The following GPNMB variants were observed in gnomAD, a reference collection of about 807,000 sequenced individuals.
The protein encoded by GPNMB is glycoprotein nmb, also known as transmembrane glycoprotein NMB.
GPNMB carries 71 observed loss-of-function variants against 57.3 expected under a neutral mutation model. The ratio of observed to expected loss-of-function variants is 1.24; its 90% CI spans 1.02 to 1.51. The LOEUF (loss-of-function observed/expected upper bound fraction) is 1.51. GPNMB is among the 40% of genes most tolerant of loss of function. The probability of loss-of-function intolerance (pLI) is 0.00; values close to 1 mark genes in which losing one functional copy is unlikely to be tolerated. For missense variants in GPNMB, 677 were observed against 691.9 expected, an observed-to-expected ratio of 0.98 and a Z score of 0.24; for synonymous variants, 253 against 263.2, an observed-to-expected ratio of 0.96 and a Z score of 0.38.
intron 1 of GPNMB, among the ~76,000 whole-genome samples, chr7:23,247,563 A>G (rs1782560587): frequency 6.6e-6 from 1 of 152,208 alleles, no homozygotes; most frequent in Non-Finnish European, 1.5e-5. Flanking sequence ...GGATCTGCCT[A>G]TGCAGCCAGG....
At chr7:23,265,661 TTTA>T in intron 6 of GPNMB, among the ~76,000 whole-genome samples, 1 of 152,252 alleles carries the variant, frequency 6.6e-6, no homozygotes, top group Middle Eastern at 3.4e-3. Flanking sequence ...GAAACTGTGA[TTTA>T]TTAAGTACTC....
chr7:23,259,968 A>G lies in GPNMB; in HGVS notation c.542-12A>G. 2 of 1,613,282 alleles carry G rather than the reference A, an allele frequency of 1.2e-6. No individual in the cohort carries two copies. Among genetic ancestry groups the G allele is most frequent in the Non-Finnish European group, 1.7e-6 (2 of 1,179,358 alleles). ...ATGCAGCCAATAACTAAAAATTTCCATCCTCCCAAAGGTCAGTATTTCCAG... is the reference window on the plus strand; with the variant it reads ...ATGCAGCCAATAACTAAAAATTTCCGTCCTCCCAAAGGTCAGTATTTCCAG... On this transcript the variant is annotated splice_polypyrimidine_tract_variant and intron_variant, in intron 4 of 10. Coordinates refer to ENST00000258733, the MANE Select transcript of GPNMB (RefSeq NM_002510.3).
chr7:23,254,409 C>T (rs1782730737), intron 3 of GPNMB, 97 bp downstream of exon 3: 4 of 922,848 alleles, frequency 4.3e-6, no homozygotes, highest in Non-Finnish European at 6.7e-6. Flanking sequence ...GATCTCATCC[C>T]TTGCCACTGC....
In GPNMB at chr7:23,267,876, AT is replaced by A; in HGVS notation, c.1118-6del. 1 of 1,556,980 alleles carries A rather than the reference AT, an allele frequency of 6.4e-7. No individual in the cohort carries two copies. Among genetic ancestry groups the A allele is most frequent in the Non-Finnish European group, 8.9e-7 (1 of 1,128,272 alleles). On this transcript the variant is annotated splice_polypyrimidine_tract_variant and intron_variant, in intron 7 of 10. Transcript: ENST00000258733. ...TTTGATGTGTTTTTCTCTGGGGGTT[AT>A]TTTGTTAGAGGGAATCTTAGAGGTT...
chr7:23,270,704 A>G (rs924991234), intron 9 of GPNMB, among the ~76,000 whole-genome samples: 1 of 152,212 alleles, frequency 6.6e-6, no homozygotes. Flanking sequence ...AGAACACAGT[A>G]AGAAACCAAC....
At chr7:23,266,472 T>C (rs1383668195) in intron 6 of GPNMB, 45 bp from the exon 7 acceptor site, 2 of 1,593,846 alleles carry the variant, frequency 1.3e-6, no homozygotes, top group Non-Finnish European at 1.7e-6. Context: ...GTATCTTTTA[T>C]GTTCGTAGCA....
intron 2 of GPNMB, among the ~76,000 whole-genome samples, chr7:23,253,792 A>G (rs541168723): frequency 1.4e-4 from 21 of 152,302 alleles, no homozygotes; most frequent in African/African-American, 5.1e-4. Flanking sequence ...TACTGTCTCA[A>G]AGGTGTGGCT....
At chr7:23,250,139 G>C (rs1782627993) in intron 1 of GPNMB, among the ~76,000 whole-genome samples, 1 of 152,112 alleles carries the variant, frequency 6.6e-6, no homozygotes, top group Non-Finnish European at 1.5e-5. Flanking sequence ...TTCTTATAGT[G>C]AGTTTTGAAA....
chr7:23,253,177 C>A, intron 1 of GPNMB, 130 bp from the exon 2 acceptor site: 1 of 672,548 alleles, frequency 1.5e-6, no homozygotes, highest in Non-Finnish European at 2.4e-6. Flanking sequence ...AAACAAAGCA[C>A]CCTCTGTTTA....
chr7:23,247,179 C>A, intron 1 of GPNMB: 1 of 501,614 alleles, frequency 2.0e-6, no homozygotes, highest in Non-Finnish European at 3.6e-6. Context: ...GCTTCTTTTC[C>A]ATTGCAATTG....
chr7:23,260,837 C>A, intron 6 of GPNMB, 64 bp downstream of exon 6: 2 of 1,233,838 alleles, frequency 1.6e-6, no homozygotes, highest in South Asian at 3.2e-5. Context: ...TCACGCAGGT[C>A]ATATTATTAA....
chr7:23,249,735 T>G (rs1245100303), intron 1 of GPNMB, among the ~76,000 whole-genome samples: 1 of 152,210 alleles, frequency 6.6e-6, no homozygotes, highest in Non-Finnish European at 1.5e-5. Context: ...GTTATTTCAA[T>G]TTGGGCTATT....
At chr7:23,265,870 G>T (rs919171000) in intron 6 of GPNMB, among the ~76,000 whole-genome samples, 1 of 150,016 alleles carries the variant, frequency 6.7e-6, no homozygotes, top group Admixed American at 6.7e-5. Context: ...CAGAATACCT[G>T]CTTCCAAAAT....
rs538851339 is a variant in GPNMB at position 23,274,526 on chromosome 7, A to G, written c.*302A>G. ...GATAGAAACACTGTGTCCCGAGAGT[A>G]AGGAGAGAAGCTACTATTGATTAGA... On this transcript the variant is annotated 3_prime_UTR_variant, in exon 11 of 11. Transcript: ENST00000258733. 21 of 213,320 alleles carry G rather than the reference A, an allele frequency of 9.8e-5. No homozygotes were observed. Among genetic ancestry groups the G allele is most frequent in the Admixed American group, 1.1e-4 (2 of 18,010 alleles). The allele number at this position is 213,320 out of a possible 1,614,324, so 13.2% of individuals were successfully genotyped here. A position where few individuals can be genotyped will look rare whatever the true frequency, so the allele number is the denominator to read the frequency against.
In GPNMB at chr7:23,274,232, C is replaced by T. The variant is rs763226690; in HGVS notation, c.*8C>T. 6.2e-7 allele frequency: 1 copy of T among 1,609,424 alleles called. No individual in the cohort carries two copies. Among genetic ancestry groups the T allele is most frequent in the Non-Finnish European group, 8.5e-7 (1 of 1,176,746 alleles). On this transcript the variant is annotated 3_prime_UTR_variant, in exon 11 of 11. Transcript: ENST00000258733. ...TTTAAAGGAGTTTCTTAAATTTCGACCTTGTTTCTGAAGCTCACTTTTCAG... is the reference window on the plus strand; with the variant it reads ...TTTAAAGGAGTTTCTTAAATTTCGATCTTGTTTCTGAAGCTCACTTTTCAG...
intron 9 of GPNMB, among the ~76,000 whole-genome samples, chr7:23,271,133 G>A (rs1459656586): frequency 1.3e-5 from 2 of 152,214 alleles, no homozygotes; most frequent in African/African-American, 4.8e-5. Flanking sequence ...CTCATAAGGA[G>A]CATGCAACCT....
At chr7:23,264,096 G>GAA (rs35143635) in intron 6 of GPNMB, among the ~76,000 whole-genome samples, 2,715 of 109,602 alleles carry the variant, frequency 0.025, 87 homozygotes, top group African/African-American at 0.08. Context: ...GAACAAATCT[G>GAA]AAAAAAAAAA....
At chr7:23,269,760 G>A (rs765080652) in intron 8 of GPNMB, among the ~76,000 whole-genome samples, 7 of 152,164 alleles carry the variant, frequency 4.6e-5, no homozygotes, top group Non-Finnish European at 8.8e-5. Context: ...CTTTCCTGAG[G>A]ATGCAGAGAA....
Position 23,267,934 on chromosome 7 carries a change from C to T in GPNMB, c.1166C>T (p.Pro389Leu), listed in dbSNP as rs756077015. ...NIIQMTDVLM[P>L]VPWPESSLID... is the part of the protein sequence containing the mutation. ...ATCCAGATGACAGACGTCCTGATGC[C>T]GGTGCCATGGCCTGAAAGCTCCCTA... Residue 389 changes from proline to leucine, a missense_variant, in exon 8 of 11, where the codon CCG becomes CTG. Pro to Leu is a moderately conservative substitution (Grantham distance 98). Transcript: ENST00000258733. 3.0e-5 allele frequency: 49 copies of T among 1,613,610 alleles called. No individual in the cohort carries two copies. Among genetic ancestry groups the T allele is most frequent in the South Asian group, 1.1e-4 (10 of 91,056 alleles).
Sources: gnomAD v4.1 joint callset for allele counts (sites outside exome capture counted in the v4.1 genomes callset) on GRCh38, gnomAD v4.1.1 for gene constraint, MANE v1.5 for transcripts, NCBI Gene and HGNC (gene_info 2026-07-23, HGNC 2026-07-21) for gene names.